USP37: variants seen among roughly 807,000 people sequenced by gnomAD.
USP37 encodes ubiquitin carboxyl-terminal hydrolase 37.
Under a neutral mutation model 124.0 loss-of-function variants are expected in USP37, and 27 were observed. The ratio of observed to expected loss-of-function variants is 0.22; its 90% confidence interval spans 0.16 to 0.30. The LOEUF (loss-of-function observed/expected upper bound fraction) is 0.30. USP37 is among the 10% of genes least tolerant of loss of function. The probability of loss-of-function intolerance (pLI) is 1.00; values close to 1 mark genes in which losing one functional copy is unlikely to be tolerated. For missense variants in USP37, 889 were observed against 1,140.4 expected (o/e 0.78, Z 3.17); for synonymous variants, 365 against 388.0 (o/e 0.94, Z 0.70).
intron 16 of USP37, 50 bp downstream of exon 16, chr2:218,485,614 T>C: frequency 6.8e-7 from 1 of 1,463,228 alleles, no homozygotes; most frequent in Non-Finnish European, 9.0e-7. Context: ...TAAATGTACC[T>C]GGGAATTCTT....
At chr2:218,544,371 CA>C (rs1406183280) in intron 8 of USP37, among the ~76,000 whole-genome samples, 1 of 73,856 alleles carries the variant, frequency 1.4e-5, no homozygotes, top group African/African-American at 4.8e-5. Flanking sequence ...GGTGACAGAA[CA>C]AGACTCCGTT....
At chr2:218,480,165 G>A (rs1356705017) in intron 17 of USP37, among the ~76,000 whole-genome samples, 3 of 150,422 alleles carry the variant, frequency 2.0e-5, no homozygotes, top group African/African-American at 4.9e-5. Context: ...AAAAATGGCC[G>A]GGCATGGTGG....
At chr2:218,488,458 C>G in intron 14 of USP37, 37 bp from the exon 15 acceptor site, 1 of 1,399,418 alleles carries the variant, frequency 7.1e-7, no homozygotes, top group South Asian at 1.3e-5. Context: ...GCATTTAGAC[C>G]AATACACAAG....
intron 9 of USP37, among the ~76,000 whole-genome samples, chr2:218,532,268 C>A (rs1691370784): frequency 6.6e-6 from 1 of 152,024 alleles, no homozygotes. Context: ...GAGCTTGAGA[C>A]CAGCCTGGCC....
chr2:218,558,177 G>A (rs1693127297), intron 4 of USP37, among the ~76,000 whole-genome samples: 1 of 151,816 alleles, frequency 6.6e-6, no homozygotes, highest in South Asian at 2.1e-4. Context: ...TGTATGTTAA[G>A]GGGAAAAAAA....
At chr2:218,546,885 T>C (rs776766846) in intron 7 of USP37, 34 bp downstream of exon 7, 1 of 1,592,184 alleles carries the variant, frequency 6.3e-7, no homozygotes, top group Admixed American at 1.9e-5. Context: ...CATTTACAGA[T>C]ACAGCTAGTG....
At chr2:218,497,921 T>C (rs1689164355) in intron 12 of USP37, 64 bp from the exon 13 acceptor site, 2 of 1,579,616 alleles carry the variant, frequency 1.3e-6, no homozygotes, top group East Asian at 2.2e-5. Flanking sequence ...TTTTAAAGAA[T>C]AATTACTAAT....
chr2:218,531,259 C>T (rs918584967), intron 9 of USP37, among the ~76,000 whole-genome samples: 8 of 152,200 alleles, frequency 5.3e-5, no homozygotes, highest in African/African-American at 1.9e-4. Flanking sequence ...GAAGCCAATG[C>T]TCACTTACCA....
intron 10 of USP37, among the ~76,000 whole-genome samples, chr2:218,515,068 G>A (rs377656734): frequency 2.0e-5 from 3 of 151,946 alleles, no homozygotes; most frequent in African/African-American, 4.8e-5. Context: ...CATTTTCCCT[G>A]CTCTAGCCCT....
rs143511861 is a variant in USP37, at chr2:218,488,405, G to A, written c.1489C>T (p.Pro497Ser). 16 of 1,605,214 alleles carry A rather than the reference G, an allele frequency of 1.0e-5. No individual in the cohort carries two copies. The highest frequency in any genetic ancestry group is 5.4e-5 in the African/African-American group (4 of 74,502). Reference sequence around the variant, plus strand: ...AGGTCATTAAACTGTTCTCTTTTGGGGATAATCTCTCCACATCTGTAAGAA... The same window carrying A: ...AGGTCATTAAACTGTTCTCTTTTGGAGATAATCTCTCCACATCTGTAAGAA... ...IICKACGEIIPKREQFNDLSI... is the reference protein window; with the variant it reads ...IICKACGEIISKREQFNDLSI... Residue 497 changes from proline to serine, a missense_variant, in exon 15 of 26, where the codon CCC becomes TCC. Around this residue, in one of 3 missense-constraint regions of USP37, gnomAD observed 504 missense variants for 714.3 expected, o/e 0.71. Coordinates refer to ENST00000258399, the MANE Select transcript of USP37 (RefSeq NM_020935.3).
At chr2:218,524,061 A>G (rs2106017645) in intron 10 of USP37, among the ~76,000 whole-genome samples, 1 of 152,322 alleles carries the variant, frequency 6.6e-6, no homozygotes, top group African/African-American at 2.4e-5. Flanking sequence ...AATCTACCAC[A>G]ATCCCAAAAG....
chr2:218,547,397 G>T (rs768952013), intron 6 of USP37, among the ~76,000 whole-genome samples: 1 of 114,182 alleles, frequency 8.8e-6, no homozygotes, highest in Non-Finnish European at 1.8e-5. Context: ...CTGCGGTAAG[G>T]CTCATTCATC....
At chr2:218,544,971 G>C (rs1692241215) in intron 8 of USP37, among the ~76,000 whole-genome samples, 1 of 152,170 alleles carries the variant, frequency 6.6e-6, no homozygotes, top group Non-Finnish European at 1.5e-5. Context: ...ACCTTCTAGA[G>C]AAGACCGCAC....
intron 20 of USP37, among the ~76,000 whole-genome samples, chr2:218,467,637 G>A (rs879554256): frequency 1.3e-5 from 2 of 150,372 alleles, no homozygotes; most frequent in Non-Finnish European, 3.0e-5. Flanking sequence ...GTGAGCCACC[G>A]TGCCTGGCCT....
chr2:218,538,043 G>A (rs1391626324), intron 8 of USP37, among the ~76,000 whole-genome samples: 1 of 152,156 alleles, frequency 6.6e-6, no homozygotes, highest in Non-Finnish European at 1.5e-5. Context: ...CAGGTATATT[G>A]GAATTGGGCC....
At chr2:218,544,228 A>G (rs1370553160) in intron 8 of USP37, among the ~76,000 whole-genome samples, 1 of 150,918 alleles carries the variant, frequency 6.6e-6, no homozygotes, top group Admixed American at 6.6e-5. Context: ...AAAAATACAA[A>G]AATTAGCTGG....
At chr2:218,468,559 T>A (rs557712492) in intron 20 of USP37, among the ~76,000 whole-genome samples, 1 of 152,160 alleles carries the variant, frequency 6.6e-6, no homozygotes, top group East Asian at 1.9e-4. Flanking sequence ...GCGTTAACTA[T>A]ATCAAACATT....
In USP37 at chr2:218,524,857, G is replaced by A. The variant is rs1487982615; in HGVS notation, c.863+5099C>T. ...ACTCCTGACCTCAGGTGATCCACCC[G>A]CCTTGGCCTCCCAAAGTACTGGGGT... On this transcript the variant is annotated intron_variant, in intron 10 of 25. Transcript: ENST00000258399. 6.6e-5 allele frequency among the ~76,000 whole-genome samples: 10 copies of A among 152,278 alleles called. No homozygotes were observed. The South Asian group carries it at 1.7e-3, about 25-fold the overall frequency.
At chr2:218,460,428 C>T (rs1030788824) in intron 22 of USP37, among the ~76,000 whole-genome samples, 16 of 152,058 alleles carry the variant, frequency 1.1e-4, no homozygotes, top group African/African-American at 3.1e-4. Context: ...AAAAGAAACG[C>T]TCTTTTTCTT....
Sources: gnomAD v4.1 joint callset for allele counts (sites outside exome capture counted in the v4.1 genomes callset) on GRCh38, gnomAD v4.1.1 for gene constraint, gnomAD v4.1.1 regional missense constraint, MANE v1.5 for transcripts, NCBI Gene and HGNC (gene_info 2026-07-23, HGNC 2026-07-21) for gene names.